GALNT13: variants seen among roughly 807,000 people sequenced by gnomAD.
The protein encoded by GALNT13 is polypeptide N-acetylgalactosaminyltransferase 13.
Under a neutral mutation model 64.2 loss-of-function variants are expected in GALNT13, and 28 were observed. That is an observed-to-expected ratio of 0.44 (90% confidence interval 0.32 to 0.60). GALNT13 has a LOEUF of 0.60. Among genes scored for constraint, GALNT13 ranks in the 20% least tolerant of loss-of-function variants. GALNT13 has a pLI of 0.05. For synonymous variants in GALNT13, 214 were observed against 224.6 expected (o/e 0.95, Z 0.42); for missense variants, 577 against 669.8 (o/e 0.86, Z 1.53).
the GALNT13 span, among the ~76,000 whole-genome samples, chr2:153,839,421 A>C: frequency 4.0e-5 from 6 of 151,836 alleles, no homozygotes; most frequent in African/African-American, 1.4e-4. Context: ...TTATATGTTG[A>C]AGAATATTTC....
At chr2:153,940,606 C>A (rs902841398) in intron 2 of GALNT13, among the ~76,000 whole-genome samples, 8 of 152,038 alleles carry the variant, frequency 5.3e-5, no homozygotes, top group Admixed American at 6.6e-5. Flanking sequence ...TCAGTTAGAC[C>A]TGAAGCTAAT....
the GALNT13 span, among the ~76,000 whole-genome samples, chr2:153,089,394 T>C: frequency 1.3e-5 from 2 of 152,302 alleles, no homozygotes; most frequent in Non-Finnish European, 1.5e-5. Flanking sequence ...TTTTGCCTCA[T>C]AGCTCTTCAG....
the GALNT13 span, among the ~76,000 whole-genome samples, chr2:153,785,542 C>T: frequency 6.8e-4 from 104 of 152,324 alleles, no homozygotes; most frequent in African/African-American, 2.0e-3. Flanking sequence ...CCAGTATCTC[C>T]CTACTGGGTG....
At chr2:153,204,927 G>A in the GALNT13 span, among the ~76,000 whole-genome samples, 49 of 152,094 alleles carry the variant, frequency 3.2e-4, no homozygotes, top group Admixed American at 5.2e-4. Flanking sequence ...ACTGTATCTT[G>A]TTGCAGTATT....
At chr2:154,021,532 G>A (rs2105278900) in intron 3 of GALNT13, among the ~76,000 whole-genome samples, 1 of 152,236 alleles carries the variant, frequency 6.6e-6, no homozygotes, top group East Asian at 1.9e-4. Context: ...GAATGCTTGT[G>A]ATTTTTGTAT....
At chr2:153,873,012 C>CTT (rs1235686012) in intron 1 of GALNT13, among the ~76,000 whole-genome samples, 1 of 152,016 alleles carries the variant, frequency 6.6e-6, no homozygotes, top group East Asian at 1.9e-4. Flanking sequence ...TCTGTCTTTC[C>CTT]TTTTGTCTCT....
intron 10 of GALNT13, among the ~76,000 whole-genome samples, chr2:154,407,649 A>G (rs1458393032): frequency 2.0e-5 from 3 of 151,986 alleles, no homozygotes; most frequent in African/African-American, 7.2e-5. Context: ...TGTAATATTC[A>G]GTGTGTGTTT....
chr2:154,245,269 G>A (rs981869024), intron 6 of GALNT13, among the ~76,000 whole-genome samples: 9 of 151,854 alleles, frequency 5.9e-5, no homozygotes, highest in Non-Finnish European at 7.4e-5. Context: ...ATCTTTCATC[G>A]GAAACATTTA....
the GALNT13 span, among the ~76,000 whole-genome samples, chr2:153,815,323 CATTT>C: frequency 6.6e-6 from 1 of 152,158 alleles, no homozygotes; most frequent in East Asian, 1.9e-4. Context: ...TCTGTTCACT[CATTT>C]ATCTCTCATT....
intron 12 of GALNT13, chr2:154,445,867 T>C: frequency 7.9e-7 from 1 of 1,272,300 alleles, no homozygotes; most frequent in Non-Finnish European, 1.0e-6. Context: ...AGTCTGTGGC[T>C]TTCCTGGAGC....
the GALNT13 span, among the ~76,000 whole-genome samples, chr2:153,163,816 G>A: frequency 1.6e-3 from 240 of 152,150 alleles, no homozygotes; most frequent in Middle Eastern, 3.4e-3. Context: ...TCAGGAGATC[G>A]AGACCATCCT....
At chr2:154,067,196 C>T (rs535724568) in intron 3 of GALNT13, among the ~76,000 whole-genome samples, 1 of 151,988 alleles carries the variant, frequency 6.6e-6, no homozygotes, top group African/African-American at 2.4e-5. Flanking sequence ...CAGAGAAAAT[C>T]ATCTTCACTA....
the GALNT13 span, among the ~76,000 whole-genome samples, chr2:153,409,298 GTA>G: frequency 0.015 from 1,993 of 136,418 alleles, 26 homozygotes; most frequent in African/African-American, 0.046. Context: ...GAATATGTAT[GTA>G]TATATATATA....
chr2:153,438,893 G>A, the GALNT13 span, among the ~76,000 whole-genome samples: 3 of 152,012 alleles, frequency 2.0e-5, no homozygotes, highest in Admixed American at 6.6e-5. Context: ...GGGGAGAGGC[G>A]CTCTGATTTT....
the GALNT13 span, among the ~76,000 whole-genome samples, chr2:153,087,933 T>C: frequency 6.6e-6 from 1 of 152,176 alleles, no homozygotes; most frequent in South Asian, 2.1e-4. Flanking sequence ...TTGTTTCATT[T>C]ATGTTTTGTA....
chr2:153,302,953 T>C, the GALNT13 span, among the ~76,000 whole-genome samples: 1 of 152,226 alleles, frequency 6.6e-6, no homozygotes, highest in Non-Finnish European at 1.5e-5. Flanking sequence ...TATAGCTTTG[T>C]AGTATATTTT....
At chr2:153,852,968 A>G in the GALNT13 span, among the ~76,000 whole-genome samples, 3 of 152,278 alleles carry the variant, frequency 2.0e-5, no homozygotes, top group South Asian at 6.2e-4. Flanking sequence ...CAAGCTAAAG[A>G]GCAAGGAAGT....
chr2:154,031,886 C>T (rs1698361620), intron 3 of GALNT13, among the ~76,000 whole-genome samples: 1 of 151,754 alleles, frequency 6.6e-6, no homozygotes, highest in African/African-American at 2.4e-5. Context: ...ATAAAGAAGA[C>T]CTGAGCAACA....
intron 4 of GALNT13, among the ~76,000 whole-genome samples, chr2:154,229,577 A>G (rs958638070): frequency 1.9e-4 from 29 of 152,222 alleles, no homozygotes; most frequent in African/African-American, 7.0e-4. Flanking sequence ...GAATAAATAT[A>G]TAAAATTTAC....
Sources: allele counts gnomAD v4.1 joint callset (sites outside exome capture counted in the v4.1 genomes callset), GRCh38; gene constraint gnomAD v4.1.1; transcripts MANE v1.5; gene names NCBI Gene and HGNC (gene_info 2026-07-23, HGNC 2026-07-21).